NRCAM: variants seen among roughly 807,000 people sequenced by gnomAD.
NRCAM encodes the protein NgCAM-related cell adhesion molecule.
NRCAM carries 83 observed loss-of-function variants against 156.5 expected under a neutral mutation model. That is an observed-to-expected ratio of 0.53 (90% CI 0.44 to 0.64). NRCAM has a LOEUF of 0.64. Among genes scored for constraint, NRCAM ranks in the 30% least tolerant of loss-of-function variants. The pLI is 0.00. For missense variants in NRCAM, 1,417 were observed against 1,597.3 expected, an observed-to-expected ratio of 0.89 and a Z score of 1.92; for synonymous variants, 538 against 563.9, an observed-to-expected ratio of 0.95 and a Z score of 0.65.
intron 30 of NRCAM, among the ~76,000 whole-genome samples, chr7:108,165,910 C>T (rs572198759): frequency 1.1e-4 from 17 of 152,342 alleles, no homozygotes; most frequent in African/African-American, 3.8e-4. Flanking sequence ...GTATGAACCA[C>T]AGAGTGAACA....
In NRCAM at chr7:108,155,121, C is replaced by T. The variant is rs1238222138; in HGVS notation, c.3677+4342G>A. 1.2e-4 allele frequency among the ~76,000 whole-genome samples: 17 copies of T among 146,644 alleles called. 1 individual carries two copies. The highest frequency in any genetic ancestry group is 4.3e-4 in the South Asian group (2 of 4,666). On this transcript the variant is annotated intron_variant, in intron 32 of 32. Transcript: ENST00000379028. ...ATATATACACACACACACACACACA[C>T]ACACACACACACACACACACACATA...
intron 3 of NRCAM, among the ~76,000 whole-genome samples, chr7:108,293,894 A>G (rs1225518299): frequency 1.3e-5 from 2 of 152,172 alleles, no homozygotes; most frequent in Non-Finnish European, 2.9e-5. Context: ...TCTTTCCACT[A>G]TCACACATGT....
chr7:108,331,391 A>T (rs186718759), intron 2 of NRCAM, among the ~76,000 whole-genome samples: 1 of 151,906 alleles, frequency 6.6e-6, no homozygotes, highest in African/African-American at 2.4e-5. Context: ...ACAGAGTGAG[A>T]CCCTGTCTCT....
intron 3 of NRCAM, among the ~76,000 whole-genome samples, chr7:108,303,374 G>A (rs10262724): frequency 0.32 from 49,122 of 151,968 alleles, 8,188 homozygotes; most frequent in African/African-American, 0.37. Context: ...CAAATATACT[G>A]TGTACCGTCT....
intron 1 of NRCAM, among the ~76,000 whole-genome samples, chr7:108,436,263 G>C (rs1031795684): frequency 4.6e-5 from 7 of 152,324 alleles, no homozygotes; most frequent in African/African-American, 1.7e-4. Flanking sequence ...AGACCAACCA[G>C]TTGCAAAGTG....
chr7:108,434,723 G>C (rs1830035424), intron 1 of NRCAM, among the ~76,000 whole-genome samples: 1 of 152,076 alleles, frequency 6.6e-6, no homozygotes, highest in South Asian at 2.1e-4. Context: ...TCCAACTTTT[G>C]GTCAGTTATT....
chr7:108,265,362 A>C (rs1471872446), intron 3 of NRCAM, among the ~76,000 whole-genome samples: 2 of 152,098 alleles, frequency 1.3e-5, no homozygotes, highest in African/African-American at 2.4e-5. Flanking sequence ...TTGCAGATGG[A>C]TCCCAATGTC....
chr7:108,419,596 C>T (rs557990330), intron 1 of NRCAM, among the ~76,000 whole-genome samples: 1 of 152,288 alleles, frequency 6.6e-6, no homozygotes, highest in Admixed American at 6.5e-5. Context: ...AACAGGCATG[C>T]TTAAGCCATA....
chr7:108,357,123 C>A (rs13233068), intron 2 of NRCAM, among the ~76,000 whole-genome samples: 44,361 of 152,110 alleles, frequency 0.29, 6,851 homozygotes, highest in African/African-American at 0.35. Flanking sequence ...ATTATAGTAG[C>A]CTGAACTAAG....
chr7:108,324,570 T>G (rs2099043233), intron 2 of NRCAM, among the ~76,000 whole-genome samples: 1 of 152,170 alleles, frequency 6.6e-6, no homozygotes, highest in Non-Finnish European at 1.5e-5. Context: ...TAAAGACACC[T>G]GCTTTTCTTC....
chr7:108,180,307 G>A lies in NRCAM; in HGVS notation c.2767C>T (p.His923Tyr), dbSNP rs763572889. The change falls in exon 25 of 33, where the codon CAC (histidine) becomes TAC (tyrosine). Residue 923 changes from histidine to tyrosine, a missense_variant. Transcript: ENST00000379028. ...ACCACTCGGACATTCAGTGTGTAGT[G>A]GCTAAAGGGCTCTAGCCCCGGCAAC... Reference protein sequence around the residue: ...GMLPGLEPFSHYTLNVRVVNG... With the variant: ...GMLPGLEPFSYYTLNVRVVNG... The A allele has an allele frequency of 1.9e-6, 3 of 1,614,072 alleles. No homozygotes were observed. In the African/African-American group the frequency reaches 4.0e-5, roughly 22 times the overall value.
chr7:108,329,068 A>C (rs1296532570), intron 2 of NRCAM, among the ~76,000 whole-genome samples: 1 of 152,172 alleles, frequency 6.6e-6, no homozygotes, highest in East Asian at 1.9e-4. Flanking sequence ...TCTCAGTAAA[A>C]ATAAATATTA....
chr7:108,329,394 G>A (rs2099103995), intron 2 of NRCAM, among the ~76,000 whole-genome samples: 1 of 152,142 alleles, frequency 6.6e-6, no homozygotes, highest in Admixed American at 6.5e-5. Context: ...TGTTGAGGCC[G>A]CCACAAATCC....
chr7:108,237,326 A>G (rs959574447), intron 5 of NRCAM, among the ~76,000 whole-genome samples: 2 of 152,220 alleles, frequency 1.3e-5, no homozygotes, highest in Non-Finnish European at 2.9e-5. Context: ...CTGAAGAAGC[A>G]TAAAAGGACA....
In NRCAM at chr7:108,238,628, G is replaced by A. The variant is rs191637455; in HGVS notation, c.107-859C>T. Among the ~76,000 whole-genome samples, 570 of 152,164 alleles carry A rather than the reference G, an allele frequency of 3.7e-3. 2 individuals are homozygous for A. Among genetic ancestry groups the A allele is most frequent in the African/African-American group, 0.013 (542 of 41,508 alleles). ...TGACAGATTGAACAGTCAGATTAAGGGGGAATATATTTAATATAAGAGAGA... is the reference window on the plus strand; with the variant it reads ...TGACAGATTGAACAGTCAGATTAAGAGGGAATATATTTAATATAAGAGAGA... On this transcript the variant is annotated intron_variant, in intron 4 of 32. Transcript: ENST00000379028.
At position 108,156,885 on chromosome 7, in the gene NRCAM, G is replaced by A. The variant is rs184258837; in HGVS notation, c.3677+2578C>T. On this transcript the variant is annotated intron_variant, in intron 32 of 32. Coordinates refer to ENST00000379028, the MANE Select transcript of NRCAM (RefSeq NM_001037132.4). Reference sequence around the variant, plus strand: ...AAAAGATTCTGTTAATAAACAGTTGGAACTGTTTTCATTAATTACAGCCTC... The same window carrying A: ...AAAAGATTCTGTTAATAAACAGTTGAAACTGTTTTCATTAATTACAGCCTC... 2.6e-5 allele frequency among the ~76,000 whole-genome samples: 4 copies of A among 152,172 alleles called. No homozygotes were observed. The East Asian group carries it at 7.7e-4, about 29-fold the overall frequency.
intron 7 of NRCAM, 148 bp from the exon 8 acceptor site, chr7:108,231,301 T>C (rs1369826966): frequency 5.1e-6 from 3 of 588,364 alleles, no homozygotes; most frequent in Non-Finnish European, 8.3e-6. Flanking sequence ...TTAAATACAA[T>C]GTTAAAAGAA....
chr7:108,191,085 T>C (rs938620098), intron 19 of NRCAM, among the ~76,000 whole-genome samples, 169 bp downstream of exon 19: 1 of 152,194 alleles, frequency 6.6e-6, no homozygotes, highest in Admixed American at 6.5e-5. Context: ...GTGGTTATGA[T>C]GAAGAAATGA....
chr7:108,362,964 T>G (rs955814132), intron 2 of NRCAM, among the ~76,000 whole-genome samples: 1 of 151,954 alleles, frequency 6.6e-6, no homozygotes, highest in Non-Finnish European at 1.5e-5. Flanking sequence ...GGGCAGGAAA[T>G]GTGCAAGATG....
Sources: gnomAD v4.1 joint callset for allele counts (sites outside exome capture counted in the v4.1 genomes callset) on GRCh38, gnomAD v4.1.1 for gene constraint, MANE v1.5 for transcripts, NCBI Gene and HGNC (gene_info 2026-07-23, HGNC 2026-07-21) for gene names.